Variants in PCM1 observed in about 807,000 individuals in gnomAD.
PCM1 encodes the protein pericentriolar material 1 protein.
A neutral mutation model predicts 241.9 loss-of-function variants in PCM1; 157 were observed. The observed-to-expected ratio is 0.65, with a 90% CI of 0.57 to 0.74. The LOEUF (loss-of-function observed/expected upper bound fraction) is 0.74, where lower values mean the gene tolerates loss of function less well. Among genes scored for constraint, PCM1 ranks in the 30% least tolerant of loss-of-function variants. The pLI is 0.00. For synonymous variants in PCM1, 1,085 were observed against 784.9 expected (o/e 1.38, Z -6.39); for missense variants, 3,478 against 2,360.1 (o/e 1.47, Z -9.81).
chr8:17,960,512 C>G, intron 15 of PCM1, 68 bp downstream of exon 15: 1 of 814,664 alleles, frequency 1.2e-6, no homozygotes. Context: ...ACTGAAAGTA[C>G]TCTTTTTTGT....
chr8:17,992,658 C>T (rs1034932421), intron 28 of PCM1, among the ~76,000 whole-genome samples: 4 of 150,206 alleles, frequency 2.7e-5, no homozygotes, highest in African/African-American at 9.8e-5. Flanking sequence ...GCTCTGTTGC[C>T]CAGGCTGCAA....
intron 23 of PCM1, among the ~76,000 whole-genome samples, chr8:17,978,119 G>A (rs914475935): frequency 6.6e-5 from 10 of 152,108 alleles, no homozygotes; most frequent in African/African-American, 1.9e-4. Context: ...ATGACATTAA[G>A]TTTTAATGTT....
rs746102527 is a variant in PCM1, at chr8:17,969,646, A to C, written c.3482A>C (p.Glu1161Ala). The change falls in exon 22 of 39, where the codon GAA becomes GCA. Residue 1161 changes from glutamate (E) to alanine (A), a missense_variant. By Grantham distance (107) the Glu-to-Ala change is moderately radical (BLOSUM62 -1). Coordinates refer to ENST00000325083, the MANE Select transcript of PCM1 (RefSeq NM_006197.4). ...DFSQNISTPS[E>A]QQQPLAQNSS... ...TCTCAGAATATCTCTACACCCAGTG[A>C]ACAGCAGCAACCCTTAGCCCAGAAT... 1 of 1,612,972 alleles carries C rather than the reference A, an allele frequency of 6.2e-7. No individual in the cohort carries two copies. Among genetic ancestry groups the C allele is most frequent in the Non-Finnish European group, 8.5e-7 (1 of 1,179,110 alleles).
At chr8:17,960,527 G>GTTTTTGTTTTTTTTTTT (rs1371772356) in intron 15 of PCM1, 83 bp downstream of exon 15, 6 of 413,044 alleles carry the variant, frequency 1.5e-5, no homozygotes, top group South Asian at 5.4e-5. Flanking sequence ...TTTTGTTTTT[G>GTTTTTGTTTTTTTTTTT]TTTTTCTTTT....
intron 29 of PCM1, among the ~76,000 whole-genome samples, chr8:17,995,961 T>G (rs1430431057): frequency 6.6e-6 from 1 of 152,062 alleles, no homozygotes; most frequent in Non-Finnish European, 1.5e-5. Flanking sequence ...AGTATAAGAT[T>G]ATATATATAT....
At position 17,991,523 on chromosome 8, in the gene PCM1, A is replaced by G. The variant is rs1489455369; in HGVS notation, c.4532-19A>G. The G allele has an allele frequency of 2.6e-6, 4 of 1,558,702 alleles. No homozygotes were observed. Among genetic ancestry groups the G allele is most frequent in the Non-Finnish European group, 3.5e-6 (4 of 1,149,386 alleles). On this transcript the variant is annotated intron_variant, in intron 27 of 38. Coordinates refer to ENST00000325083, the MANE Select transcript of PCM1 (RefSeq NM_006197.4). ...GTTCACTTTTACATACTCAAAAAAT[A>G]TTTTTGTTCCAAATGTAGGTAACAC...
intron 8 of PCM1, 44 bp downstream of exon 8, chr8:17,950,768 T>G (rs1163881203): frequency 5.8e-6 from 6 of 1,032,740 alleles, no homozygotes; most frequent in Admixed American, 2.0e-5. Context: ...AAAATCACAT[T>G]AATTAGAACA....
At chr8:17,928,538 C>T (rs550038364) in intron 2 of PCM1, among the ~76,000 whole-genome samples, 2 of 151,908 alleles carry the variant, frequency 1.3e-5, no homozygotes, top group African/African-American at 4.8e-5. Context: ...TGCTCTAGAC[C>T]CCAATGGCCC....
Position 17,969,066 on chromosome 8 carries a change from ACATAAC to A in PCM1, c.3413-510_3413-505del, listed in dbSNP as rs768997948. Reference sequence around the variant, plus strand: ...GTAGCCTCTTGCAAATAGCTCTGATACATAACAGTATTTGGTAAGTATTTAATTATA... The same window carrying A: ...GTAGCCTCTTGCAAATAGCTCTGATAAGTATTTGGTAAGTATTTAATTATA... On this transcript the variant is annotated intron_variant, in intron 21 of 38. Coordinates refer to ENST00000325083, the MANE Select transcript of PCM1 (RefSeq NM_006197.4). Among the ~76,000 whole-genome samples the A allele has an allele frequency of 6.9e-3, 1,046 of 152,202 alleles. 5 individuals are homozygous for A. The highest frequency in any genetic ancestry group is 0.011 in the Non-Finnish European group (719 of 67,984).
intron 2 of PCM1, chr8:17,925,324 C>T (rs1392303011): frequency 6.6e-6 from 1 of 152,152 alleles, no homozygotes; most frequent in African/African-American, 2.4e-5. Context: ...TAAAGGTATT[C>T]TCTGTCCAGC....
chr8:17,985,813 G>A, intron 25 of PCM1, 146 bp from the exon 26 acceptor site: 1 of 720,796 alleles, frequency 1.4e-6, no homozygotes, highest in Non-Finnish European at 2.2e-6. Flanking sequence ...CTTTTTCAGT[G>A]TTTTGTCTAC....
At chr8:17,965,055 A>G (rs1351531000) in intron 18 of PCM1, among the ~76,000 whole-genome samples, 1 of 152,148 alleles carries the variant, frequency 6.6e-6, no homozygotes, top group Admixed American at 6.5e-5. Context: ...CTTCAGGTTT[A>G]TTTGCTAGAA....
intron 21 of PCM1, among the ~76,000 whole-genome samples, chr8:17,968,758 GTGTGTATA>G (rs1382111841): frequency 9.2e-5 from 12 of 131,054 alleles, no homozygotes; most frequent in African/African-American, 2.9e-4. Flanking sequence ...GTGTGTGTGT[GTGTGTATA>G]TATATATATA....
intron 6 of PCM1, among the ~76,000 whole-genome samples, chr8:17,940,949 G>A (rs2061832710): frequency 6.6e-6 from 1 of 152,078 alleles, no homozygotes; most frequent in Non-Finnish European, 1.5e-5. Context: ...GTTTTGAGGT[G>A]TTCAAAATGC....
intron 36 of PCM1, among the ~76,000 whole-genome samples, chr8:18,022,019 TTTTGGAAA>T (rs1189661960): frequency 2.6e-5 from 4 of 152,170 alleles, no homozygotes; most frequent in Non-Finnish European, 4.4e-5. Context: ...AGATTGGATC[TTTTGGAAA>T]CAACAGCAGA....
intron 34 of PCM1, among the ~76,000 whole-genome samples, chr8:18,012,841 T>A (rs1204362951): frequency 6.6e-6 from 1 of 152,228 alleles, no homozygotes; most frequent in Admixed American, 6.5e-5. Flanking sequence ...TTAACACTTG[T>A]ATGAAATTAT....
chr8:17,999,091 G>C (rs941261448), intron 29 of PCM1, among the ~76,000 whole-genome samples: 3 of 152,116 alleles, frequency 2.0e-5, no homozygotes, highest in African/African-American at 7.2e-5. Flanking sequence ...ATGCTGTCCA[G>C]GAGCCAGGTT....
intron 15 of PCM1, among the ~76,000 whole-genome samples, chr8:17,961,710 A>C (rs2072248717): frequency 6.6e-6 from 1 of 152,122 alleles, no homozygotes; most frequent in South Asian, 2.1e-4. Context: ...TACTGTATCT[A>C]ATCCTTTTTC....
At chr8:17,956,138 AATTTTT>A (rs1394093251) in intron 10 of PCM1, among the ~76,000 whole-genome samples, 1 of 152,198 alleles carries the variant, frequency 6.6e-6, no homozygotes, top group African/African-American at 2.4e-5. Flanking sequence ...CAGCTAACTT[AATTTTT>A]ATTTTTGGTA....
Sources: allele counts gnomAD v4.1 joint callset (sites outside exome capture counted in the v4.1 genomes callset), GRCh38; gene constraint gnomAD v4.1.1; transcripts MANE v1.5; gene names NCBI Gene and HGNC (gene_info 2026-07-23, HGNC 2026-07-21).